The following COL4A2 variants were observed in gnomAD, a reference collection of about 807,000 sequenced individuals.
The protein encoded by COL4A2 is collagen alpha-2(IV) chain.
In COL4A2, 99 loss-of-function variants were observed where a neutral mutation model predicts 200.2. The observed-to-expected ratio is 0.49, with a 90% confidence interval of 0.42 to 0.58. COL4A2 has a LOEUF of 0.58. Among genes scored for constraint, COL4A2 ranks in the 20% least tolerant of loss-of-function variants. COL4A2 has a pLI of 0.00. For missense variants in COL4A2, 1,950 were observed against 2,314.1 expected, an observed-to-expected ratio of 0.84 and a Z score of 3.23; for synonymous variants, 897 against 900.6, an observed-to-expected ratio of 1.00 and a Z score of 0.07.
intron 26 of COL4A2, among the ~76,000 whole-genome samples, 180 bp downstream of exon 26, chr13:110,466,242 G>A (rs1236292010): frequency 1.3e-5 from 2 of 152,194 alleles, no homozygotes; most frequent in Non-Finnish European, 2.9e-5. Context: ...TGACAACCTG[G>A]TAGAGACGGA....
intron 47 of COL4A2, among the ~76,000 whole-genome samples, chr13:110,509,356 C>A (rs1322397997): frequency 2.7e-5 from 4 of 148,242 alleles, no homozygotes; most frequent in Non-Finnish European, 5.9e-5. Flanking sequence ...GAAAAAAAAT[C>A]CGGATTCTAG....
rs751361483 is a variant in COL4A2 at position 110,493,272 on chromosome 13, A to G, written c.3624A>G (p.Pro1208=). The G allele has an allele frequency of 6.2e-6, 10 of 1,613,960 alleles. No homozygotes were observed. In the East Asian group the frequency reaches 2.2e-4, roughly 36 times the overall value. Residue 1208 remains proline, a synonymous_variant, in exon 39 of 48, where the codon CCA becomes CCG. Coordinates refer to ENST00000360467, the MANE Select transcript of COL4A2 (RefSeq NM_001846.4). ...GCTTGCCAGGCACCAAGGGCTTTCCAGGATCCCCAGGTACTCTGTGCCGTC... is the reference window on the plus strand; with the variant it reads ...GCTTGCCAGGCACCAAGGGCTTTCCGGGATCCCCAGGTACTCTGTGCCGTC... ...LHGLPGTKGF[P]GSPGSDIHGD... is the part of the protein sequence containing the mutation.
At position 110,462,329 on chromosome 13, in the gene COL4A2, A is replaced by G; in HGVS notation, c.1721A>G (p.Asp574Gly). 1 of 1,614,120 alleles carries G rather than the reference A, an allele frequency of 6.2e-7. No individual in the cohort carries two copies. The highest frequency in any genetic ancestry group is 8.5e-7 in the Non-Finnish European group (1 of 1,180,038). ...VPGVPGMKGD[D>G]GSPGRDGLDG... ...GGTGTGCCCGGGATGAAAGGTGACG[A>G]TGGCAGCCCAGGCCGCGATGGGCTC... The change falls in exon 24 of 48, where the codon GAT (aspartate) becomes GGT (glycine). Residue 574 changes from aspartate (D) to glycine (G), a missense_variant. Transcript: ENST00000360467.
At chr13:110,318,096 G>C (rs955238955) in intron 3 of COL4A2, among the ~76,000 whole-genome samples, 7 of 152,204 alleles carry the variant, frequency 4.6e-5, no homozygotes, top group Non-Finnish European at 1.0e-4. Flanking sequence ...ACTGGGAAAA[G>C]TCACTTTTCC....
intron 4 of COL4A2, among the ~76,000 whole-genome samples, chr13:110,381,437 C>T (rs1272874349): frequency 1.3e-5 from 2 of 152,254 alleles, no homozygotes; most frequent in Non-Finnish European, 2.9e-5. Flanking sequence ...ATCTAAAATA[C>T]TGTAAATCCT....
At chr13:110,337,126 A>G (rs1566480169) in intron 3 of COL4A2, among the ~76,000 whole-genome samples, 1 of 152,204 alleles carries the variant, frequency 6.6e-6, no homozygotes, top group Non-Finnish European at 1.5e-5. Flanking sequence ...GACGTATAAT[A>G]TATGCTCACT....
chr13:110,438,077 C>T, intron 14 of COL4A2, 40 bp downstream of exon 14: 1 of 1,589,790 alleles, frequency 6.3e-7, no homozygotes, highest in Non-Finnish European at 8.6e-7. Context: ...CCTGTGGCTC[C>T]TGGGCTGTCG....
intron 4 of COL4A2, among the ~76,000 whole-genome samples, chr13:110,399,467 G>C (rs1879296943): frequency 6.6e-6 from 1 of 152,186 alleles, no homozygotes; most frequent in African/African-American, 2.4e-5. Context: ...CTTTAAAGCA[G>C]CTCTTTGAGT....
At chr13:110,388,193 A>G (rs953266827) in intron 4 of COL4A2, among the ~76,000 whole-genome samples, 2 of 152,196 alleles carry the variant, frequency 1.3e-5, no homozygotes, top group Non-Finnish European at 2.9e-5. Flanking sequence ...GAAACCTGAG[A>G]ACAAGGCTTA....
chr13:110,335,474 A>C (rs188989562), intron 3 of COL4A2, among the ~76,000 whole-genome samples: 2 of 152,158 alleles, frequency 1.3e-5, no homozygotes, highest in Admixed American at 1.3e-4. Context: ...GTCTGCCACC[A>C]TGTAAGACGT....
chr13:110,446,884 T>A lies in COL4A2; in HGVS notation c.1078+20T>A. On this transcript the variant is annotated intron_variant, in intron 18 of 47. Coordinates refer to ENST00000360467, the MANE Select transcript of COL4A2 (RefSeq NM_001846.4). ...CAAAAGGTGTGTGAACAATTTCACC[T>A]GCATAGTTCAGCATCGCATACACAT... 1 of 1,603,940 alleles carries A rather than the reference T, an allele frequency of 6.2e-7. No individual in the cohort carries two copies. The highest frequency in any genetic ancestry group is 8.5e-7 in the Non-Finnish European group (1 of 1,171,424).
chr13:110,439,653 A>G, intron 15 of COL4A2, 136 bp from the exon 16 acceptor site: 1 of 1,439,252 alleles, frequency 6.9e-7, no homozygotes, highest in East Asian at 2.4e-5. Flanking sequence ...GCTATTCTTC[A>G]AAATCTGGAC....
At chr13:110,465,366 T>C in intron 24 of COL4A2, 39 bp from the exon 25 acceptor site, 1 of 1,559,682 alleles carries the variant, frequency 6.4e-7, no homozygotes, top group Non-Finnish European at 8.6e-7. Context: ...TCTTTAACAT[T>C]AGTATATATT....
At position 110,326,566 on chromosome 13, in the gene COL4A2, G is replaced by A. The variant is rs1287590847; in HGVS notation, c.99+18443G>A. Among the ~76,000 whole-genome samples, 5 of 152,162 alleles carry A rather than the reference G, an allele frequency of 3.3e-5. No homozygotes were observed. In the South Asian group the frequency reaches 1.0e-3, roughly 32 times the overall value. On this transcript the variant is annotated intron_variant, in intron 3 of 47. Transcript: ENST00000360467. ...GGAATTGTGGAAACAGGCTGTTTGA[G>A]GACATCTGTCATTTGAGCTTTCACT...
In COL4A2 at chr13:110,493,391, G is replaced by C. The variant is rs911589159; in HGVS notation, c.3634+109G>C. 3 of 1,219,834 alleles carry C rather than the reference G, an allele frequency of 2.5e-6. No homozygotes were observed. In the African/African-American group the frequency reaches 4.5e-5, roughly 18 times the overall value. The allele number at this position is 1,219,834 out of a possible 1,614,324, so 75.6% of individuals were successfully genotyped here. ...AGGGAATGGAGGGTCTCAGAGAGCAGGGTGGGCTTCCTGAAGTGCTATGCG... is the reference window on the plus strand; with the variant it reads ...AGGGAATGGAGGGTCTCAGAGAGCACGGTGGGCTTCCTGAAGTGCTATGCG... On this transcript the variant is annotated intron_variant, in intron 39 of 47. Coordinates refer to ENST00000360467, the MANE Select transcript of COL4A2 (RefSeq NM_001846.4).
rs1368120282 is a variant in COL4A2 at position 110,466,025 on chromosome 13, G to C, written c.2001G>C (p.Arg667Ser). 3.1e-6 allele frequency: 5 copies of C among 1,613,828 alleles called. No homozygotes were observed. The highest frequency in any genetic ancestry group is 4.2e-6 in the Non-Finnish European group (5 of 1,179,756). The change falls in exon 26 of 48, where the codon AGG (arginine) becomes AGC (serine). Residue 667 changes from arginine (R) to serine (S), a missense_variant. Physicochemically the swap from Arg to Ser is moderately radical, Grantham distance 110 (BLOSUM62 -1). Around this residue, in one of 2 missense-constraint regions of COL4A2, gnomAD observed 1,385 missense variants for 1,720.5 expected, o/e 0.80. Coordinates refer to ENST00000360467, the MANE Select transcript of COL4A2 (RefSeq NM_001846.4). ...GQIDCDTDVK[R>S]AVGGDRQEAI... ...CAGATTGTGACACAGATGTGAAAAG[G>C]GCCGTTGGAGGTGACAGACAGGAGG...
chr13:110,454,519 CAG>C (rs1210573840), intron 20 of COL4A2, among the ~76,000 whole-genome samples: 1 of 152,140 alleles, frequency 6.6e-6, no homozygotes, highest in Admixed American at 6.5e-5. Context: ...AGCTTGGAGA[CAG>C]AGAACAAAGC....
intron 10 of COL4A2, among the ~76,000 whole-genome samples, chr13:110,432,080 AAC>A (rs964921706): frequency 3.3e-5 from 5 of 152,178 alleles, no homozygotes; most frequent in African/African-American, 7.2e-5. Context: ...CAAAAGCCCA[AAC>A]ACACAAAAGC....
chr13:110,387,962 T>G (rs973354872), intron 4 of COL4A2, among the ~76,000 whole-genome samples: 3 of 152,202 alleles, frequency 2.0e-5, no homozygotes, highest in Non-Finnish European at 2.9e-5. Flanking sequence ...CCTGCTCTTC[T>G]TACCTGCAGT....
Sources: gnomAD v4.1 joint callset for allele counts (sites outside exome capture counted in the v4.1 genomes callset) on GRCh38, gnomAD v4.1.1 for gene constraint, gnomAD v4.1.1 regional missense constraint, MANE v1.5 for transcripts, NCBI Gene and HGNC (gene_info 2026-07-23, HGNC 2026-07-21) for gene names.